EHD4: variants seen among roughly 807,000 people sequenced by gnomAD.
EHD4 encodes EH domain containing 4.
EHD4 carries 37 observed loss-of-function variants against 51.0 expected under a neutral mutation model. The ratio of observed to expected loss-of-function variants is 0.73; its 90% CI spans 0.56 to 0.95. EHD4 has a LOEUF of 0.95. EHD4 is among the 40% of genes least tolerant of loss of function. EHD4 has a pLI of 0.00. For missense variants in EHD4, 632 were observed against 733.1 expected (o/e 0.86, Z 1.59); for synonymous variants, 297 against 317.3 (o/e 0.94, Z 0.68).
chr15:41,904,124 GA>G (rs1425030086), intron 5 of EHD4, among the ~76,000 whole-genome samples: 1 of 152,216 alleles, frequency 6.6e-6, no homozygotes, highest in East Asian at 1.9e-4. Context: ...ATTTCCTTAA[GA>G]ATGAGCCTGC....
At chr15:41,960,786 G>C (rs2067919622) in intron 1 of EHD4, among the ~76,000 whole-genome samples, 2 of 149,094 alleles carry the variant, frequency 1.3e-5, no homozygotes, top group Admixed American at 6.9e-5. Flanking sequence ...TGATTCTCCT[G>C]CCTCAGCCTC....
chr15:41,904,596 G>A (rs2067500444), intron 5 of EHD4, among the ~76,000 whole-genome samples: 1 of 152,222 alleles, frequency 6.6e-6, no homozygotes, highest in Non-Finnish European at 1.5e-5. Context: ...TCAGTTCCCA[G>A]CCCCGTCTCT....
At chr15:41,962,456 G>C (rs141680445) in intron 1 of EHD4, among the ~76,000 whole-genome samples, 84 of 150,904 alleles carry the variant, frequency 5.6e-4, no homozygotes, top group African/African-American at 2.0e-3. Context: ...ACTCAATATA[G>C]TATTTAATAA....
chr15:41,909,688 G>GGA lies in EHD4; in HGVS notation c.1089+10_1089+11insTC. 1 of 1,613,966 alleles carries GGA rather than the reference G, an allele frequency of 6.2e-7. No homozygotes were observed. Among genetic ancestry groups the GGA allele is most frequent in the East Asian group, 2.2e-5 (1 of 44,882 alleles). On this transcript the variant is annotated intron_variant, in intron 5 of 5. Coordinates refer to ENST00000220325, the MANE Select transcript of EHD4 (RefSeq NM_139265.4). Reference sequence around the variant, plus strand: ...CCCTCTGCCCGTGACATTGTAGTGGGCTCCCAGTACCTGCATAGCCTTGAC... The same window carrying GGA: ...CCCTCTGCCCGTGACATTGTAGTGGGGACTCCCAGTACCTGCATAGCCTTGAC...
chr15:41,939,077 C>T (rs1048471194), intron 3 of EHD4, among the ~76,000 whole-genome samples: 2 of 152,108 alleles, frequency 1.3e-5, no homozygotes, highest in Admixed American at 6.5e-5. Flanking sequence ...TTCTTCTCAT[C>T]GCAGAGTCAA....
chr15:41,913,910 T>C (rs2067565871), intron 4 of EHD4, among the ~76,000 whole-genome samples: 1 of 152,198 alleles, frequency 6.6e-6, no homozygotes. Flanking sequence ...TGGATCAAAA[T>C]GACAAAATGA....
intron 3 of EHD4, among the ~76,000 whole-genome samples, chr15:41,931,635 C>A (rs1443625161): frequency 1.3e-5 from 2 of 151,980 alleles, no homozygotes; most frequent in African/African-American, 4.8e-5. Context: ...ACTTCACATA[C>A]TTGTTTTGTT....
chr15:41,943,103 CG>C lies in EHD4; in HGVS notation c.474del (p.Gly159AlafsTer63), dbSNP rs772537616. 1.3e-6 allele frequency: 2 copies of C among 1,589,932 alleles called. No individual in the cohort carries two copies. The highest frequency in any genetic ancestry group is 1.7e-6 in the Non-Finnish European group (2 of 1,168,202). Reference sequence around the variant, plus strand: ...CGCTGCTTCTCCCCAGAAAGGATGCCGGGGCTGTCGATGACGCTGATGCTCT... The same window carrying C: ...CGCTGCTTCTCCCCAGAAAGGATGCCGGGCTGTCGATGACGCTGATGCTCT... ...VLKSISVIDS[P>X]GILSGEKQRI... On this transcript the variant is annotated frameshift_variant, in exon 3 of 6. Transcript: ENST00000220325. LOFTEE classifies it high-confidence loss of function.
chr15:41,936,336 C>T (rs770611359), intron 3 of EHD4, among the ~76,000 whole-genome samples: 1 of 152,174 alleles, frequency 6.6e-6, no homozygotes, highest in African/African-American at 2.4e-5. Context: ...CTCTCTGTGC[C>T]TCAGTCTTCT....
intron 3 of EHD4, among the ~76,000 whole-genome samples, chr15:41,940,249 A>T (rs2067760487): frequency 6.6e-6 from 1 of 152,224 alleles, no homozygotes; most frequent in Non-Finnish European, 1.5e-5. Flanking sequence ...ACCCGCCAAT[A>T]AAGTCAGTGG....
At chr15:41,954,880 T>C (rs1267612998) in intron 1 of EHD4, among the ~76,000 whole-genome samples, 1 of 152,222 alleles carries the variant, frequency 6.6e-6, no homozygotes, top group Non-Finnish European at 1.5e-5. Flanking sequence ...TCCCCTCACC[T>C]TGGCCTCCCA....
intron 4 of EHD4, among the ~76,000 whole-genome samples, chr15:41,917,450 G>GT (rs1218282004): frequency 6.6e-6 from 1 of 152,162 alleles, no homozygotes; most frequent in Non-Finnish European, 1.5e-5. Flanking sequence ...GAATACAGCA[G>GT]CATCTCCAGT....
chr15:41,938,415 G>A (rs903230675), intron 3 of EHD4, among the ~76,000 whole-genome samples: 7 of 152,192 alleles, frequency 4.6e-5, no homozygotes, highest in Non-Finnish European at 1.0e-4. Flanking sequence ...CATGTTACCT[G>A]AAGTGCAGTT....
chr15:41,936,101 C>G (rs565072768), intron 3 of EHD4, among the ~76,000 whole-genome samples: 1 of 152,334 alleles, frequency 6.6e-6, no homozygotes, highest in South Asian at 2.1e-4. Flanking sequence ...TTAGGTGGAA[C>G]CTGCAGGGCT....
chr15:41,915,716 C>A (rs906483109), intron 4 of EHD4, among the ~76,000 whole-genome samples: 15 of 152,016 alleles, frequency 9.9e-5, no homozygotes, highest in African/African-American at 3.6e-4. Flanking sequence ...TGTTCCAAAC[C>A]CTTTTTTGGG....
At chr15:41,959,130 C>A (rs182995064) in intron 1 of EHD4, among the ~76,000 whole-genome samples, 1 of 152,022 alleles carries the variant, frequency 6.6e-6, no homozygotes, top group African/African-American at 2.4e-5. Context: ...TGGTGGCTCA[C>A]GCCTGTAATC....
chr15:41,942,017 T>A (rs1331065276), intron 3 of EHD4: 1 of 152,326 alleles, frequency 6.6e-6, no homozygotes, highest in Non-Finnish European at 1.5e-5. Flanking sequence ...CAGCCAGAAG[T>A]GATGGCAGCG....
Position 41,899,448 on chromosome 15 carries a change from A to G in EHD4, c.*1197T>C, listed in dbSNP as rs1216207412. On this transcript the variant is annotated 3_prime_UTR_variant, in exon 6 of 6. Coordinates refer to ENST00000220325, the MANE Select transcript of EHD4 (RefSeq NM_139265.4). ...ATACGAACCACACAGCCTTTAAAGAAAAGGTTTTATATGAAAGGTTCCATT... is the reference window on the plus strand; with the variant it reads ...ATACGAACCACACAGCCTTTAAAGAGAAGGTTTTATATGAAAGGTTCCATT... 6.6e-6 allele frequency: 1 copy of G among 152,136 alleles called. No homozygotes were observed. Among genetic ancestry groups the G allele is most frequent in the Non-Finnish European group, 1.5e-5 (1 of 68,002 alleles). The allele number at this position is 152,136 out of a possible 1,614,324, so 9.4% of individuals were successfully genotyped here.
At chr15:41,922,863 A>C (rs1444314228) in intron 3 of EHD4, among the ~76,000 whole-genome samples, 1 of 152,182 alleles carries the variant, frequency 6.6e-6, no homozygotes, top group African/African-American at 2.4e-5. Context: ...TTCGAGAAGT[A>C]CAGGTAGGCA....
Sources: gnomAD v4.1 joint callset for allele counts (sites outside exome capture counted in the v4.1 genomes callset) on GRCh38, gnomAD v4.1.1 for gene constraint, MANE v1.5 for transcripts, NCBI Gene and HGNC (gene_info 2026-07-23, HGNC 2026-07-21) for gene names.